The following UQCRC2 variants were observed in gnomAD, a reference collection of about 807,000 sequenced individuals.
UQCRC2 encodes the protein ubiquinol-cytochrome c reductase core protein 2.
Under a neutral mutation model 55.6 loss-of-function variants are expected in UQCRC2, and 49 were observed. The observed-to-expected ratio is 0.88, with a 90% confidence interval of 0.70 to 1.12. The LOEUF (loss-of-function observed/expected upper bound fraction) is 1.12. UQCRC2 is among the 50% of genes most tolerant of loss of function. The pLI, the probability that UQCRC2 is intolerant of heterozygous loss-of-function variation, is 0.00. For missense variants in UQCRC2, 506 were observed against 547.8 expected, an observed-to-expected ratio of 0.92 and a Z score of 0.76; for synonymous variants, 193 against 192.0, an observed-to-expected ratio of 1.01 and a Z score of -0.04.
At chr16:21,961,670 T>TATA (rs1567470647) in intron 4 of UQCRC2, among the ~76,000 whole-genome samples, 6 of 48,762 alleles carry the variant, frequency 1.2e-4, no homozygotes, top group Non-Finnish European at 3.9e-4. Flanking sequence ...ATATATATAT[T>TATA]TTAGACAGTC....
At chr16:21,958,406 A>G in intron 3 of UQCRC2, 129 bp from the exon 4 acceptor site, 3 of 789,256 alleles carry the variant, frequency 3.8e-6, no homozygotes, top group Non-Finnish European at 6.3e-6. Flanking sequence ...TATAATTCTT[A>G]ACTAAAAAGG....
At chr16:21,972,972 C>T (rs1181090494) in intron 10 of UQCRC2, among the ~76,000 whole-genome samples, 3 of 152,150 alleles carry the variant, frequency 2.0e-5, no homozygotes, top group South Asian at 2.1e-4. Context: ...TGGTGGCGCA[C>T]GCCTGTAGTC....
At chr16:21,980,170 C>A in intron 12 of UQCRC2, 1 of 205,262 alleles carries the variant, frequency 4.9e-6, no homozygotes, top group African/African-American at 2.3e-5. Context: ...GGAGAAAGAG[C>A]ATGCTGCGAC....
At chr16:21,961,907 C>T (rs1282828639) in intron 4 of UQCRC2, among the ~76,000 whole-genome samples, 1 of 151,956 alleles carries the variant, frequency 6.6e-6, no homozygotes, top group East Asian at 1.9e-4. Context: ...CCCACCTCGG[C>T]CTCCCAAAGT....
rs981000455 is a variant in UQCRC2, at chr16:21,965,580, G to A, written c.612+75G>A. On this transcript the variant is annotated intron_variant, in intron 7 of 13. Coordinates refer to ENST00000268379, the MANE Select transcript of UQCRC2 (RefSeq NM_003366.4). ...AACATCTCCCATTTCAGGTTTGTTTGTTAATTTTTCCTTTTATCTTCTAAC... is the reference window on the plus strand; with the variant it reads ...AACATCTCCCATTTCAGGTTTGTTTATTAATTTTTCCTTTTATCTTCTAAC... 278 of 1,263,470 alleles carry A rather than the reference G, an allele frequency of 2.2e-4. 1 individual carries two copies. Among genetic ancestry groups the A allele is most frequent in the Admixed American group, 1.8e-4 (6 of 32,892 alleles). The allele number at this position is 1,263,470 out of a possible 1,614,324, so 78.3% of individuals were successfully genotyped here.
chr16:21,975,240 A>G (rs1206408024), intron 11 of UQCRC2, among the ~76,000 whole-genome samples: 3 of 152,310 alleles, frequency 2.0e-5, no homozygotes, highest in East Asian at 3.9e-4. Flanking sequence ...TCTAGGCTCA[A>G]TAGAGAAGTG....
At chr16:21,959,860 G>A (rs1294787968) in intron 4 of UQCRC2, 1 of 152,206 alleles carries the variant, frequency 6.6e-6, no homozygotes, top group African/African-American at 2.4e-5. Context: ...CAGAGCTCTT[G>A]GCATTGTTGC....
At chr16:21,980,852 A>G in intron 13 of UQCRC2, 152 bp downstream of exon 13, 1 of 839,496 alleles carries the variant, frequency 1.2e-6, no homozygotes, top group Non-Finnish European at 1.8e-6. Flanking sequence ...TCATTCCCAT[A>G]AGATCCGCAA....
chr16:21,971,694 A>G, intron 9 of UQCRC2, 74 bp downstream of exon 9: 2 of 1,440,198 alleles, frequency 1.4e-6, no homozygotes, highest in Non-Finnish European at 9.7e-7. Flanking sequence ...TTGAGGTGGA[A>G]TAGGCCTGAA....
At chr16:21,976,408 AC>A in intron 12 of UQCRC2, 165 bp downstream of exon 12, 1 of 613,614 alleles carries the variant, frequency 1.6e-6, no homozygotes, top group South Asian at 2.2e-5. Flanking sequence ...ATAATTGTTA[AC>A]ATTTTGGCCA....
chr16:21,957,656 T>C, intron 3 of UQCRC2, 90 bp downstream of exon 3: 1 of 1,512,408 alleles, frequency 6.6e-7, no homozygotes, highest in Non-Finnish European at 8.9e-7. Context: ...TCTTTATATT[T>C]TGATTCCTTG....
At chr16:21,964,024 C>G (rs962613794) in intron 6 of UQCRC2, among the ~76,000 whole-genome samples, 6 of 152,050 alleles carry the variant, frequency 3.9e-5, no homozygotes, top group African/African-American at 1.5e-4. Flanking sequence ...GCCGCTGACT[C>G]TTGGGAGTCA....
intron 8 of UQCRC2, among the ~76,000 whole-genome samples, chr16:21,970,584 T>G (rs1424669106): frequency 6.6e-6 from 1 of 152,150 alleles, no homozygotes; most frequent in African/African-American, 2.4e-5. Flanking sequence ...GTATAACTTT[T>G]TTTGTTTGTT....
chr16:21,976,103 G>A lies in UQCRC2; in HGVS notation c.1048-64G>A, dbSNP rs758560860. On this transcript the variant is annotated intron_variant, in intron 11 of 13. Coordinates refer to ENST00000268379, the MANE Select transcript of UQCRC2 (RefSeq NM_003366.4). ...TGTGTTTTTGCCTCAGTAAAGAAGT[G>A]TGTCAGTGCTGCAGGAGACTCTGGT... 1.3e-5 allele frequency: 15 copies of A among 1,115,652 alleles called. No homozygotes were observed. In the African/African-American group the frequency reaches 2.0e-4, roughly 15 times the overall value. 69.1% of individuals were successfully genotyped at this position (1,115,652 alleles called of 1,614,324 possible). A position where few individuals can be genotyped will look rare whatever the true frequency, so the allele number is the denominator to read the frequency against.
In UQCRC2 at chr16:21,965,448, C is replaced by T. The variant is rs767272171; in HGVS notation, c.555C>T (p.Ala185=). Reference sequence around the variant, plus strand: ...TGCATGCAGCAGCTTACCGGAATGCCTTGGCTAATCCCTTGTATTGTCCTG... The same window carrying T: ...TGCATGCAGCAGCTTACCGGAATGCTTTGGCTAATCCCTTGTATTGTCCTG... ...ENLHAAAYRN[A]LANPLYCPDY... The change falls in exon 7 of 14, where the codon GCC becomes GCT. Residue 185 remains alanine, a synonymous_variant. Transcript: ENST00000268379. 13 of 1,613,918 alleles carry T rather than the reference C, an allele frequency of 8.1e-6. No homozygotes were observed. The East Asian group carries it at 2.9e-4, about 36-fold the overall frequency.
chr16:21,953,454 T>G lies in UQCRC2; in HGVS notation c.31T>G (p.Ser11Ala). MKLLTRAGSF[S>A]RFYSLKVAPK... ...GCTACTAACCAGAGCCGGCTCTTTC[T>G]CGGTGAGCTCAGGTGGCGGGTTTGG... Residue 11 changes from serine (S) to alanine (A), a missense_variant and splice_region_variant, in exon 1 of 14, where the codon TCG (serine) becomes GCG (alanine). By Grantham distance (99) the Ser-to-Ala change is moderately conservative (BLOSUM62 1). Transcript: ENST00000268379. 7.4e-6 allele frequency: 12 copies of G among 1,612,972 alleles called. No homozygotes were observed. Among genetic ancestry groups the G allele is most frequent in the Non-Finnish European group, 1.0e-5 (12 of 1,179,558 alleles).
In UQCRC2 at chr16:21,974,542, A is replaced by G. The variant is rs537395494; in HGVS notation, c.1047+566A>G. Among the ~76,000 whole-genome samples the G allele has an allele frequency of 2.6e-5, 4 of 152,344 alleles. No individual in the cohort carries two copies. In the South Asian group the frequency reaches 6.2e-4, roughly 24 times the overall value. On this transcript the variant is annotated intron_variant, in intron 11 of 13. Coordinates refer to ENST00000268379, the MANE Select transcript of UQCRC2 (RefSeq NM_003366.4). ...AGAAGTCTGGTAGTTTCAGCAAGCTAGGACATCATGGGTGATCTTAACAGT... is the reference window on the plus strand; with the variant it reads ...AGAAGTCTGGTAGTTTCAGCAAGCTGGGACATCATGGGTGATCTTAACAGT...
intron 6 of UQCRC2, among the ~76,000 whole-genome samples, chr16:21,965,151 A>T (rs1898295090): frequency 6.6e-6 from 1 of 152,234 alleles, no homozygotes; most frequent in Non-Finnish European, 1.5e-5. Context: ...GCTAGGTTAA[A>T]GTTAGAAAAG....
intron 4 of UQCRC2, among the ~76,000 whole-genome samples, chr16:21,961,661 TATATATA>T (rs1567470605): frequency 2.2e-4 from 22 of 102,152 alleles, no homozygotes; most frequent in Admixed American, 2.0e-4. Context: ...TATATATATA[TATATATA>T]TTTTAGACAG....
Sources: allele counts gnomAD v4.1 joint callset (sites outside exome capture counted in the v4.1 genomes callset), GRCh38; gene constraint gnomAD v4.1.1; transcripts MANE v1.5; gene names NCBI Gene and HGNC (gene_info 2026-07-23, HGNC 2026-07-21).